The following COG5 variants were observed in gnomAD, a reference collection of about 807,000 sequenced individuals.
COG5 encodes component of oligomeric golgi complex 5.
Under a neutral mutation model 110.4 loss-of-function variants are expected in COG5, and 86 were observed. The ratio of observed to expected loss-of-function variants is 0.78; its 90% confidence interval spans 0.65 to 0.93. The LOEUF (loss-of-function observed/expected upper bound fraction) is 0.93. Ranked by LOEUF, COG5 falls within the 40% of genes least tolerant of loss-of-function variation. The pLI is 0.00. For missense variants in COG5, 1,077 were observed against 987.0 expected (o/e 1.09, Z -1.22); for synonymous variants, 360 against 334.6 (o/e 1.08, Z -0.83).
At chr7:107,207,726 GCCC>G in intron 21 of COG5, 3 of 969,518 alleles carry the variant, frequency 3.1e-6, no homozygotes, top group South Asian at 9.5e-5. Context: ...ACATACAACT[GCCC>G]CCATTTACAC....
At chr7:107,540,481 G>A (rs1440036727) in intron 5 of COG5, among the ~76,000 whole-genome samples, 2 of 151,570 alleles carry the variant, frequency 1.3e-5, no homozygotes, top group African/African-American at 4.8e-5. Flanking sequence ...GGGAGGCTGG[G>A]GCAGGAGGAT....
Position 107,248,474 on chromosome 7 carries a change from G to T in COG5, c.1775C>A (p.Ala592Asp). ...LKAIHALMENAVQPLLTSVGD... is the reference protein window; with the variant it reads ...LKAIHALMENDVQPLLTSVGD... ...CACAGAAGTGAGTAAGGGTTGCACAGCATTTTCCATAAGAGCATGAATAGC... is the reference window on the plus strand; with the variant it reads ...CACAGAAGTGAGTAAGGGTTGCACATCATTTTCCATAAGAGCATGAATAGC... The change falls in exon 17 of 22, where the codon GCT becomes GAT. Residue 592 changes from alanine (A) to aspartate (D), a missense_variant. Ala to Asp is a moderately radical substitution (Grantham distance 126, BLOSUM62 -2). Coordinates refer to ENST00000297135, the MANE Select transcript of COG5 (RefSeq NM_006348.5). 6.2e-7 allele frequency: 1 copy of T among 1,604,460 alleles called. No homozygotes were observed. Among genetic ancestry groups the T allele is most frequent in the Non-Finnish European group, 8.5e-7 (1 of 1,174,026 alleles).
chr7:107,236,398 G>C lies in COG5; in HGVS notation c.2091+52C>G, dbSNP rs145795353. The C allele has an allele frequency of 3.1e-3, 3,911 of 1,252,096 alleles. 96 individuals are homozygous for C. In the African/African-American group the frequency reaches 0.053, roughly 17 times the overall value. The allele number at this position is 1,252,096 out of a possible 1,614,324, so 77.6% of individuals were successfully genotyped here. A position where few individuals can be genotyped will look rare whatever the true frequency, so the allele number is the denominator to read the frequency against. On this transcript the variant is annotated intron_variant, in intron 18 of 21. Coordinates refer to ENST00000297135, the MANE Select transcript of COG5 (RefSeq NM_006348.5). ...TGAAAACACATTCTTTCATTTAATA[G>C]ATGATATTGAGGCCAAAACATTTTT...
chr7:107,474,138 C>G lies in COG5; in HGVS notation c.538+53099G>C. 6.2e-7 allele frequency: 1 copy of G among 1,608,140 alleles called. No homozygotes were observed. Among genetic ancestry groups the G allele is most frequent in the Non-Finnish European group, 8.5e-7 (1 of 1,175,032 alleles). On this transcript the variant is annotated intron_variant, in intron 6 of 21. Coordinates refer to ENST00000297135, the MANE Select transcript of COG5 (RefSeq NM_006348.5). The surrounding 1 kb of genome is among the most constrained non-coding windows in gnomAD (Gnocchi z 5.7). ...CAGTGCGAGATGACATTGATGACAT[C>G]AACACCAATATGTACCAACCACTAT...
rs577324360 is a variant in COG5, at chr7:107,350,009, T to C, written c.1026+12024A>G. Among the ~76,000 whole-genome samples, 9 of 152,310 alleles carry C rather than the reference T, an allele frequency of 5.9e-5. No individual in the cohort carries two copies. In the East Asian group the frequency reaches 1.5e-3, roughly 26 times the overall value. On this transcript the variant is annotated intron_variant, in intron 10 of 21. Transcript: ENST00000297135. ...CACCCAGTCTGATTTTACCTGTTCG[T>C]TTTTCTTAGATGCCTTTCATTAGGT...
intron 6 of COG5, among the ~76,000 whole-genome samples, chr7:107,426,238 C>T (rs1793634876): frequency 6.6e-6 from 1 of 152,146 alleles, no homozygotes; most frequent in African/African-American, 2.4e-5. Flanking sequence ...GTTATAAGAA[C>T]CTGTATATTA....
intron 6 of COG5, among the ~76,000 whole-genome samples, chr7:107,478,628 T>G (rs1215942264): frequency 6.6e-6 from 1 of 152,046 alleles, no homozygotes; most frequent in African/African-American, 2.4e-5. Flanking sequence ...TTAAACTTTA[T>G]CATAGTTATG....
At chr7:107,434,699 G>A (rs370471876) in intron 6 of COG5, among the ~76,000 whole-genome samples, 19 of 152,210 alleles carry the variant, frequency 1.2e-4, no homozygotes, top group South Asian at 4.1e-4. Flanking sequence ...GGCTGGGCGC[G>A]GTGGCTCACG....
intron 14 of COG5, among the ~76,000 whole-genome samples, chr7:107,279,118 G>C (rs866510044): frequency 4.6e-5 from 7 of 152,210 alleles, no homozygotes; most frequent in South Asian, 2.1e-4. Context: ...CCATCAAAAA[G>C]TGGGCAAAGG....
intron 5 of COG5, among the ~76,000 whole-genome samples, chr7:107,531,450 C>G (rs975125591): frequency 8.1e-6 from 1 of 123,390 alleles, no homozygotes; most frequent in Non-Finnish European, 1.9e-5. Context: ...CCAATTCTGT[C>G]ATTTTGTATT....
chr7:107,406,258 C>T (rs1026619494), intron 7 of COG5, among the ~76,000 whole-genome samples: 2 of 152,198 alleles, frequency 1.3e-5, no homozygotes, highest in Admixed American at 1.3e-4. Context: ...AGTTCCCTGA[C>T]TCCTATTTTT....
chr7:107,236,506 G>T lies in COG5; in HGVS notation c.2035C>A (p.Leu679Ile). Residue 679 changes from leucine (L) to isoleucine (I), a missense_variant, in exon 18 of 22, where the codon CTC becomes ATC. Leu to Ile is a conservative substitution (Grantham distance 5). Coordinates refer to ENST00000297135, the MANE Select transcript of COG5 (RefSeq NM_006348.5). ...AVELFIRHAS[L>I]IRPLGEGGKM... Reference sequence around the variant, plus strand: ...CCACCTTCACCAAGAGGTCTTATGAGACTGGCATGGCGGATAAAAAGTTCA... The same window carrying T: ...CCACCTTCACCAAGAGGTCTTATGATACTGGCATGGCGGATAAAAAGTTCA... The T allele has an allele frequency of 6.2e-7, 1 of 1,614,154 alleles. No individual in the cohort carries two copies. Among genetic ancestry groups the T allele is most frequent in the South Asian group, 1.1e-5 (1 of 91,068 alleles).
At chr7:107,501,575 CTA>C (rs1798636527) in intron 6 of COG5, among the ~76,000 whole-genome samples, 1 of 152,046 alleles carries the variant, frequency 6.6e-6, no homozygotes, top group South Asian at 2.1e-4. Context: ...ATTTTTTACA[CTA>C]TATGATAAAA....
intron 6 of COG5, among the ~76,000 whole-genome samples, chr7:107,435,877 G>A (rs1794333544): frequency 6.6e-6 from 1 of 152,166 alleles, no homozygotes; most frequent in African/African-American, 2.4e-5. Context: ...CAATAGCCAT[G>A]AGGTGGAAGC....
At chr7:107,259,821 G>A (rs1366617451) in intron 14 of COG5, among the ~76,000 whole-genome samples, 1 of 152,062 alleles carries the variant, frequency 6.6e-6, no homozygotes, top group African/African-American at 2.4e-5. Flanking sequence ...CTAGAAAAGG[G>A]TGGAGATCCT....
In COG5 at chr7:107,362,304, T is replaced by C; in HGVS notation, c.948+4A>G. ...ATGTTTTTTCCACTCCTTCAAATAT[T>C]TACCTGTCCACAAACAGCATAAATA... On this transcript the variant is annotated splice_donor_region_variant and intron_variant, in intron 9 of 21. Coordinates refer to ENST00000297135, the MANE Select transcript of COG5 (RefSeq NM_006348.5). 2 of 1,591,428 alleles carry C rather than the reference T, an allele frequency of 1.3e-6. No homozygotes were observed. Among genetic ancestry groups the C allele is most frequent in the Non-Finnish European group, 8.6e-7 (1 of 1,159,666 alleles).
At chr7:107,204,998 G>GCT in intron 21 of COG5, among the ~76,000 whole-genome samples, 2 of 152,096 alleles carry the variant, frequency 1.3e-5, no homozygotes, top group Non-Finnish European at 2.9e-5. Flanking sequence ...CTATTAATTT[G>GCT]CTACACACAT....
chr7:107,401,333 G>A (rs937441251), intron 7 of COG5, among the ~76,000 whole-genome samples: 2 of 151,906 alleles, frequency 1.3e-5, no homozygotes, highest in Admixed American at 6.6e-5. Context: ...AGCTATGACG[G>A]TACATATTAT....
In COG5 at chr7:107,256,585, C is replaced by A. The variant is rs187064889; in HGVS notation, c.1749+147G>T. 6.6e-5 allele frequency: 42 copies of A among 638,432 alleles called. No individual in the cohort carries two copies. In the African/African-American group the frequency reaches 7.5e-4, roughly 11 times the overall value. 39.5% of individuals were successfully genotyped at this position (638,432 alleles called of 1,614,324 possible). ...TAGAAAACATAAACACACTTGTTAT[C>A]TATTCTCTTTAGGATAATTATCAAC... On this transcript the variant is annotated intron_variant, in intron 16 of 21. Coordinates refer to ENST00000297135, the MANE Select transcript of COG5 (RefSeq NM_006348.5).
Sources: allele counts gnomAD v4.1 joint callset (sites outside exome capture counted in the v4.1 genomes callset), GRCh38; gene constraint gnomAD v4.1.1; non-coding constraint Gnocchi (gnomAD v3.1); transcripts MANE v1.5; gene names NCBI Gene and HGNC (gene_info 2026-07-23, HGNC 2026-07-21).